The following NCOA3 variants were observed in gnomAD, a reference collection of about 807,000 sequenced individuals.
NCOA3 encodes the protein CBP-interacting protein.
Under a neutral mutation model 158.8 loss-of-function variants are expected in NCOA3, and 51 were observed. That is an observed-to-expected ratio of 0.32 (90% CI 0.26 to 0.41). The LOEUF (loss-of-function observed/expected upper bound fraction) is 0.41. Among genes scored for constraint, NCOA3 ranks in the 10% least tolerant of loss-of-function variants. The pLI, the probability that NCOA3 is intolerant of heterozygous loss-of-function variation, is 1.00. For synonymous variants in NCOA3, 537 were observed against 592.4 expected (o/e 0.91, Z 1.36); for missense variants, 1,510 against 1,746.6 (o/e 0.86, Z 2.41).
chr20:47,631,723 G>A (rs1183071024), intron 8 of NCOA3, among the ~76,000 whole-genome samples: 1 of 152,178 alleles, frequency 6.6e-6, no homozygotes, highest in East Asian at 1.9e-4. Flanking sequence ...CTTGCTTATA[G>A]TTGTAGGGAC....
intron 1 of NCOA3, among the ~76,000 whole-genome samples, chr20:47,552,408 A>G (rs1317760347): frequency 6.6e-6 from 1 of 152,166 alleles, no homozygotes; most frequent in Non-Finnish European, 1.5e-5. Flanking sequence ...ATTTCCCTCA[A>G]TATTTGCTTT....
At chr20:47,594,472 G>A (rs1437092273) in intron 2 of NCOA3, among the ~76,000 whole-genome samples, 1 of 151,660 alleles carries the variant, frequency 6.6e-6, no homozygotes. Context: ...AAACCAGCCT[G>A]GCCAACATGA....
chr20:47,653,618 T>C lies in NCOA3; in HGVS notation c.*201T>C. ...GCAATATCTACGTGTTTTTCCCCCC[T>C]CCTTCTGCTGTGTATCATGGTGTTC... is the stretch of plus-strand genomic sequence containing the variant. On this transcript the variant is annotated 3_prime_UTR_variant, in exon 23 of 23. Transcript: ENST00000371998. The C allele has an allele frequency of 1.5e-6, 1 of 650,540 alleles. No homozygotes were observed. The highest frequency in any genetic ancestry group is 2.7e-6 in the Non-Finnish European group (1 of 370,574). 40.3% of individuals were successfully genotyped at this position (650,540 alleles called of 1,614,324 possible). A position where few individuals can be genotyped will look rare whatever the true frequency, so the allele number is the denominator to read the frequency against.
At chr20:47,627,778 C>A (rs2086346703) in intron 7 of NCOA3, 29 bp downstream of exon 7, 1 of 1,601,318 alleles carries the variant, frequency 6.2e-7, no homozygotes, top group East Asian at 2.2e-5. Context: ...TTGTGATGTT[C>A]ATGAAACAAA....
intron 1 of NCOA3, among the ~76,000 whole-genome samples, chr20:47,502,702 C>CTT (rs3083969): frequency 0.056 from 7,799 of 139,242 alleles, 297 homozygotes; most frequent in Middle Eastern, 0.091. Flanking sequence ...TTTATTACTA[C>CTT]TTTTTTTTTT....
chr20:47,544,018 A>G (rs2084786782), intron 1 of NCOA3, among the ~76,000 whole-genome samples: 1 of 152,172 alleles, frequency 6.6e-6, no homozygotes, highest in African/African-American at 2.4e-5. Context: ...GAATGTTGCA[A>G]AAATAGTAGA....
At chr20:47,578,367 G>A (rs1334758451) in intron 1 of NCOA3, among the ~76,000 whole-genome samples, 1 of 152,086 alleles carries the variant, frequency 6.6e-6, no homozygotes, top group Non-Finnish European at 1.5e-5. Flanking sequence ...TGTATTTTTA[G>A]TAGAGATGGG....
intron 1 of NCOA3, among the ~76,000 whole-genome samples, chr20:47,502,312 C>CGGGGGGACTGCA (rs1721569625): frequency 6.6e-6 from 1 of 152,086 alleles, no homozygotes; most frequent in African/African-American, 2.4e-5. Context: ...GAGGAGTTTG[C>CGGGGGGACTGCA]GGGGGGACTG....
intron 2 of NCOA3, among the ~76,000 whole-genome samples, chr20:47,605,441 A>G (rs749615561): frequency 6.6e-6 from 1 of 151,972 alleles, no homozygotes; most frequent in Non-Finnish European, 1.5e-5. Context: ...ATTATTATGT[A>G]TATATTACCT....
At chr20:47,535,802 G>A (rs776631715) in intron 1 of NCOA3, among the ~76,000 whole-genome samples, 21 of 152,000 alleles carry the variant, frequency 1.4e-4, no homozygotes, top group Non-Finnish European at 2.9e-4. Context: ...CACTGCGCCC[G>A]GCCGAGTGCA....
At chr20:47,576,855 C>T (rs913323528) in intron 1 of NCOA3, among the ~76,000 whole-genome samples, 3 of 152,198 alleles carry the variant, frequency 2.0e-5, no homozygotes, top group Non-Finnish European at 4.4e-5. Flanking sequence ...AACTCTCCCA[C>T]CCTCTTTCCT....
intron 17 of NCOA3, among the ~76,000 whole-genome samples, chr20:47,643,237 A>G (rs1419362427): frequency 1.3e-5 from 2 of 152,214 alleles, no homozygotes; most frequent in African/African-American, 2.4e-5. Flanking sequence ...TTTAAAGGCT[A>G]TGGAGGGGCC....
intron 1 of NCOA3, among the ~76,000 whole-genome samples, chr20:47,544,150 A>G (rs978665025): frequency 3.3e-5 from 5 of 151,780 alleles, no homozygotes; most frequent in African/African-American, 1.2e-4. Flanking sequence ...ATATTGTCAA[A>G]TTTCCACTCT....
intron 2 of NCOA3, among the ~76,000 whole-genome samples, chr20:47,592,052 T>C (rs1005586032): frequency 2.6e-5 from 4 of 152,300 alleles, no homozygotes; most frequent in African/African-American, 7.2e-5. Flanking sequence ...TTGATTTTCT[T>C]TTGTTTTGAG....
chr20:47,625,544 T>C, intron 5 of NCOA3, 63 bp downstream of exon 5: 5 of 1,172,378 alleles, frequency 4.3e-6, no homozygotes, highest in Admixed American at 2.2e-5. Context: ...TATAAAGTTA[T>C]AAAAAATCGA....
At chr20:47,590,515 A>G (rs2085613012) in intron 2 of NCOA3, among the ~76,000 whole-genome samples, 2 of 152,300 alleles carry the variant, frequency 1.3e-5, no homozygotes, top group South Asian at 4.1e-4. Flanking sequence ...AAAGCATAAT[A>G]TATTAAATTG....
At chr20:47,583,925 T>A (rs1202203530) in intron 2 of NCOA3, among the ~76,000 whole-genome samples, 1 of 152,022 alleles carries the variant, frequency 6.6e-6, no homozygotes, top group Non-Finnish European at 1.5e-5. Context: ...CACTGCACTC[T>A]AGCCTGGGCA....
intron 1 of NCOA3, among the ~76,000 whole-genome samples, chr20:47,549,345 G>A (rs1013272434): frequency 6.6e-6 from 1 of 151,000 alleles, no homozygotes. Flanking sequence ...AACATGGCAA[G>A]ACCCCAGATT....
chr20:47,633,740 T>C, intron 9 of NCOA3, 104 bp downstream of exon 9: 1 of 1,305,676 alleles, frequency 7.7e-7, no homozygotes, highest in Non-Finnish European at 1.1e-6. Flanking sequence ...TAATTGACCC[T>C]TCTGCCTCAG....
Sources: allele counts gnomAD v4.1 joint callset (sites outside exome capture counted in the v4.1 genomes callset), GRCh38; gene constraint gnomAD v4.1.1; transcripts MANE v1.5; gene names NCBI Gene and HGNC (gene_info 2026-07-23, HGNC 2026-07-21).